Variants in AGR2 observed in about 807,000 individuals in gnomAD.
AGR2 encodes the protein anterior gradient protein 2 homolog.
AGR2 carries 27 observed loss-of-function variants against 25.9 expected under a neutral mutation model. The observed-to-expected ratio is 1.04, with a 90% CI of 0.77 to 1.44. AGR2 has a LOEUF of 1.44. Ranked by LOEUF, AGR2 falls within the 40% of genes most tolerant of loss-of-function variation. The pLI is 0.00. For missense variants in AGR2, 182 were observed against 200.9 expected, an observed-to-expected ratio of 0.91 and a Z score of 0.57; for synonymous variants, 78 against 72.0, an observed-to-expected ratio of 1.08 and a Z score of -0.42.
At chr7:16,794,822 A>C in intron 7 of AGR2, 114 bp downstream of exon 7, 1 of 1,566,042 alleles carries the variant, frequency 6.4e-7, no homozygotes, top group South Asian at 1.2e-5. Flanking sequence ...ACTGAGTCCG[A>C]GGCGTCCCTA....
At chr7:16,798,221 C>G (rs1785081436) in intron 5 of AGR2, among the ~76,000 whole-genome samples, 1 of 152,196 alleles carries the variant, frequency 6.6e-6, no homozygotes, top group Non-Finnish European at 1.5e-5. Flanking sequence ...TGGTGATTGC[C>G]TTGAGCAAGA....
chr7:16,792,863 A>G lies in AGR2; in HGVS notation c.*45T>C, dbSNP rs914912032. On this transcript the variant is annotated 3_prime_UTR_variant, in exon 8 of 8. Coordinates refer to ENST00000419304, the MANE Select transcript of AGR2 (RefSeq NM_006408.4). ...TCTTCTCACACTTCTTCTGGTTTCA[A>G]GTCTCAAGGCCTGACAGACAGAAGG... is the stretch of plus-strand genomic sequence containing the variant. 1.3e-6 allele frequency: 2 copies of G among 1,551,378 alleles called. No homozygotes were observed. Among genetic ancestry groups the G allele is most frequent in the East Asian group, 2.2e-5 (1 of 44,544 alleles).
In AGR2 at chr7:16,794,923, A is replaced by G. The variant is rs376665193; in HGVS notation, c.478+13T>C. On this transcript the variant is annotated intron_variant, in intron 7 of 7. Coordinates refer to ENST00000419304, the MANE Select transcript of AGR2 (RefSeq NM_006408.4). ...AACTCTTGGGCAACATCCGAATTGA[A>G]GGTCACACTTACACAGAGCTGTATC... 1.9e-6 allele frequency: 3 copies of G among 1,614,172 alleles called. No individual in the cohort carries two copies. The highest frequency in any genetic ancestry group is 2.5e-6 in the Non-Finnish European group (3 of 1,180,010).
At chr7:16,801,931 T>A (rs1416460769) in intron 1 of AGR2, 128 bp from the exon 2 acceptor site, 11 of 691,054 alleles carry the variant, frequency 1.6e-5, no homozygotes, top group Middle Eastern at 4.0e-4. Flanking sequence ...CATACGAGAT[T>A]GGCGTAAATA....
chr7:16,802,062 T>A (rs1435997120), intron 1 of AGR2, among the ~76,000 whole-genome samples: 1 of 151,850 alleles, frequency 6.6e-6, no homozygotes, highest in Non-Finnish European at 1.5e-5. Flanking sequence ...CAGAGTAGTC[T>A]CTCCTTTCCC....
chr7:16,800,749 A>G (rs1785127849), intron 4 of AGR2, among the ~76,000 whole-genome samples: 1 of 152,062 alleles, frequency 6.6e-6, no homozygotes, highest in African/African-American at 2.4e-5. Context: ...TTGAAGAATT[A>G]CTAAGACTTT....
In AGR2 at chr7:16,797,650, G is replaced by T. The variant is rs1176021940; in HGVS notation, c.375C>A (p.Val125=). The T allele has an allele frequency of 6.2e-7, 1 of 1,613,980 alleles. No homozygotes were observed. Residue 125 remains valine, a synonymous_variant, in exon 6 of 8, where the codon GTC becomes GTA. Transcript: ENST00000419304. ...DKHLSPDGQY[V]PRIMFVDPSL... ...GCTTACCAACAAACATAATCCTGGG[G>T]ACATACTGGCCATCAGGAGAAAGGT... is the stretch of plus-strand genomic sequence containing the variant.
intron 1 of AGR2, among the ~76,000 whole-genome samples, chr7:16,803,891 T>C (rs62440425): frequency 0.17 from 25,214 of 152,158 alleles, 2,313 homozygotes; most frequent in South Asian, 0.28. Flanking sequence ...TCAACAAACA[T>C]TTGATTTTAT....
At chr7:16,797,844 A>T in intron 5 of AGR2, 150 bp from the exon 6 acceptor site, 2 of 611,070 alleles carry the variant, frequency 3.3e-6, no homozygotes, top group Non-Finnish European at 5.7e-6. Flanking sequence ...TGAGGAGACA[A>T]GTTACAAGCA....
At chr7:16,796,096 A>ACCCC (rs755316558) in intron 6 of AGR2, among the ~76,000 whole-genome samples, 2 of 125,232 alleles carry the variant, frequency 1.6e-5, no homozygotes, top group African/African-American at 5.0e-5. Flanking sequence ...CCTGCCTCCC[A>ACCCC]CCCCCAGAGA....
chr7:16,801,797 G>A lies in AGR2; in HGVS notation c.-1C>T, dbSNP rs748127944. ...ATGCTGACACTGGAATTTTCTCCAT[G>A]GCAACTCTAGTATGGAAAACCAACC... is the stretch of plus-strand genomic sequence containing the variant. On this transcript the variant is annotated 5_prime_UTR_variant, in exon 2 of 8. Coordinates refer to ENST00000419304, the MANE Select transcript of AGR2 (RefSeq NM_006408.4). The A allele has an allele frequency of 1.9e-6, 3 of 1,607,704 alleles. No individual in the cohort carries two copies. Among genetic ancestry groups the A allele is most frequent in the East Asian group, 2.2e-5 (1 of 44,716 alleles).
At chr7:16,796,442 C>T (rs116813809) in intron 6 of AGR2, among the ~76,000 whole-genome samples, 268 of 151,962 alleles carry the variant, frequency 1.8e-3, no homozygotes, top group African/African-American at 6.2e-3. Flanking sequence ...TTTTCTTTTC[C>T]CTGCTTTGTA....
chr7:16,795,105 G>C, intron 6 of AGR2, 86 bp from the exon 7 acceptor site: 2 of 1,400,736 alleles, frequency 1.4e-6, no homozygotes, highest in South Asian at 2.4e-5. Flanking sequence ...TGAAGTTCAT[G>C]TATTCATGTC....
intron 6 of AGR2, 115 bp from the exon 7 acceptor site, chr7:16,795,134 T>C: frequency 1.8e-6 from 2 of 1,125,394 alleles, no homozygotes; most frequent in Admixed American, 4.0e-5. Context: ...GAATGGAGTG[T>C]GTCTGCACTC....
At chr7:16,802,777 T>G (rs1310794436) in intron 1 of AGR2, among the ~76,000 whole-genome samples, 1 of 152,026 alleles carries the variant, frequency 6.6e-6, no homozygotes, top group Non-Finnish European at 1.5e-5. Context: ...TAGAAATAGA[T>G]AAATAGAGAT....
chr7:16,799,643 C>A, intron 5 of AGR2, 101 bp downstream of exon 5: 1 of 708,866 alleles, frequency 1.4e-6, no homozygotes, highest in East Asian at 2.6e-5. Context: ...GGAAGCAATC[C>A]CAGTTAATGC....
chr7:16,803,749 A>C (rs1785186285), intron 1 of AGR2, among the ~76,000 whole-genome samples: 1 of 152,236 alleles, frequency 6.6e-6, no homozygotes, highest in South Asian at 2.1e-4. Flanking sequence ...GTAAGTCAAC[A>C]ATTCTCAGCC....
At chr7:16,801,297 C>A in intron 3 of AGR2, 23 bp downstream of exon 3, 2 of 1,612,666 alleles carry the variant, frequency 1.2e-6, no homozygotes, top group East Asian at 4.5e-5. Flanking sequence ...TTTGAGGGAG[C>A]TCTGAGTAAT....
At position 16,801,189 on chromosome 7, in the gene AGR2, A is replaced by G; in HGVS notation, c.218T>C (p.Met73Thr). The change falls in exon 4 of 8, where the codon ATG becomes ACG. Residue 73 changes from methionine to threonine, a missense_variant. Met to Thr is a moderately conservative substitution (Grantham distance 81, BLOSUM62 -1). Coordinates refer to ENST00000419304, the MANE Select transcript of AGR2 (RefSeq NM_006408.4). ...GCACTCATCCAAGTGATGAATAATC[A>G]TCAAGGGTTTGTTGCTTTAAAAGAC... Reference protein sequence around the residue: ...YKSKTSNKPLMIIHHLDECPH... With the variant: ...YKSKTSNKPLTIIHHLDECPH... 1.9e-6 allele frequency: 3 copies of G among 1,614,012 alleles called. No individual in the cohort carries two copies. The highest frequency in any genetic ancestry group is 2.5e-6 in the Non-Finnish European group (3 of 1,179,912).
Sources: allele counts gnomAD v4.1 joint callset (sites outside exome capture counted in the v4.1 genomes callset), GRCh38; gene constraint gnomAD v4.1.1; transcripts MANE v1.5; gene names NCBI Gene and HGNC (gene_info 2026-07-23, HGNC 2026-07-21).